Variants in CNTNAP5 observed in about 807,000 individuals in gnomAD.
The protein encoded by CNTNAP5 is contactin-associated protein-like 5.
A neutral mutation model predicts 150.2 loss-of-function variants in CNTNAP5; 72 were observed. The observed-to-expected ratio is 0.48, with a 90% CI of 0.40 to 0.58. The LOEUF (loss-of-function observed/expected upper bound fraction) is 0.58. CNTNAP5 is among the 20% of genes least tolerant of loss of function. The pLI, the probability that CNTNAP5 is intolerant of heterozygous loss-of-function variation, is 0.00. For synonymous variants in CNTNAP5, 672 were observed against 619.8 expected (o/e 1.08, Z -1.25); for missense variants, 1,636 against 1,626.2 (o/e 1.01, Z -0.10).
At chr2:124,060,558 C>T (rs1681982432) in intron 1 of CNTNAP5, among the ~76,000 whole-genome samples, 1 of 152,162 alleles carries the variant, frequency 6.6e-6, no homozygotes, top group South Asian at 2.1e-4. Context: ...CCGTATGGGC[C>T]TTTATGGACC....
rs1157174696 is a variant in CNTNAP5, at chr2:124,491,696, C to T, written c.1063-12596C>T. 2.6e-5 allele frequency among the ~76,000 whole-genome samples: 4 copies of T among 152,030 alleles called. No homozygotes were observed. The East Asian group carries it at 5.8e-4, about 22-fold the overall frequency. On this transcript the variant is annotated intron_variant, in intron 7 of 23. Coordinates refer to ENST00000682447, the MANE Select transcript of CNTNAP5 (RefSeq NM_001367498.1). ...TTTGCATAATGCCTGTACCAATTTACATTACTACCAATTGTGTACAAGCCT... is the reference window on the plus strand; with the variant it reads ...TTTGCATAATGCCTGTACCAATTTATATTACTACCAATTGTGTACAAGCCT...
intron 20 of CNTNAP5, among the ~76,000 whole-genome samples, chr2:124,865,706 G>A (rs1256014711): frequency 6.6e-6 from 1 of 152,186 alleles, no homozygotes; most frequent in Non-Finnish European, 1.5e-5. Flanking sequence ...AGCACTTTGG[G>A]AGTCTGAGGC....
chr2:124,493,383 T>C (rs6541957), intron 7 of CNTNAP5, among the ~76,000 whole-genome samples: 128,932 of 151,646 alleles, frequency 0.85, 54,982 homozygotes, highest in East Asian at 1. Flanking sequence ...CTTTGTCACT[T>C]AGACTGAGGT....
chr2:124,081,615 G>A (rs984476941), intron 1 of CNTNAP5, among the ~76,000 whole-genome samples: 1 of 152,160 alleles, frequency 6.6e-6, no homozygotes, highest in Non-Finnish European at 1.5e-5. Flanking sequence ...AATTTCTTAT[G>A]GCTCTTGAGC....
chr2:124,078,512 A>T (rs1682489308), intron 1 of CNTNAP5, among the ~76,000 whole-genome samples: 1 of 152,192 alleles, frequency 6.6e-6, no homozygotes, highest in South Asian at 2.1e-4. Flanking sequence ...ATTAGCTCTT[A>T]ATTTCAAATT....
At chr2:124,172,348 C>T (rs1183521804) in intron 1 of CNTNAP5, among the ~76,000 whole-genome samples, 1 of 152,044 alleles carries the variant, frequency 6.6e-6, no homozygotes. Flanking sequence ...AAATATGAAA[C>T]ACTTGTAATT....
intron 1 of CNTNAP5, among the ~76,000 whole-genome samples, chr2:124,074,561 A>G (rs1682391619): frequency 6.6e-6 from 1 of 152,146 alleles, no homozygotes. Flanking sequence ...AGGCTGTTGC[A>G]TATGGAGAAC....
chr2:124,374,330 T>C (rs1005283261), intron 3 of CNTNAP5, among the ~76,000 whole-genome samples: 1 of 152,076 alleles, frequency 6.6e-6, no homozygotes, highest in African/African-American at 2.4e-5. Context: ...TTTTGTCAAA[T>C]TGGAAAGGGT....
chr2:124,200,161 G>A (rs894242734), intron 1 of CNTNAP5, among the ~76,000 whole-genome samples: 1 of 152,182 alleles, frequency 6.6e-6, no homozygotes, highest in Admixed American at 6.5e-5. Flanking sequence ...AAGAACAGAT[G>A]TTAAGATATT....
intron 1 of CNTNAP5, among the ~76,000 whole-genome samples, chr2:124,153,825 C>A (rs1391703493): frequency 6.6e-6 from 1 of 151,770 alleles, no homozygotes; most frequent in Non-Finnish European, 1.5e-5. Flanking sequence ...GTTGGCCAGG[C>A]TAGTCTAGAA....
intron 1 of CNTNAP5, 101 bp from the exon 2 acceptor site, chr2:124,221,604 G>A: frequency 1.3e-6 from 1 of 774,526 alleles, no homozygotes. Context: ...AGAGCAGGTG[G>A]TTAATAAATG....
chr2:124,289,170 A>T (rs1688224276), intron 3 of CNTNAP5, among the ~76,000 whole-genome samples: 1 of 152,176 alleles, frequency 6.6e-6, no homozygotes, highest in South Asian at 2.1e-4. Flanking sequence ...CAGTCTTCAA[A>T]GGTGTCTGGT....
intron 3 of CNTNAP5, among the ~76,000 whole-genome samples, chr2:124,382,139 G>C (rs1354447678): frequency 6.6e-6 from 1 of 152,178 alleles, no homozygotes; most frequent in Non-Finnish European, 1.5e-5. Flanking sequence ...CTCAGGAAGG[G>C]AAGAATGGGC....
intron 13 of CNTNAP5, among the ~76,000 whole-genome samples, chr2:124,697,154 T>C (rs539353243): frequency 6.6e-6 from 1 of 152,194 alleles, no homozygotes; most frequent in African/African-American, 2.4e-5. Flanking sequence ...GAGACAATAC[T>C]ATGGAGTTCC....
chr2:124,142,306 G>T (rs1482287188), intron 1 of CNTNAP5, among the ~76,000 whole-genome samples: 5 of 136,518 alleles, frequency 3.7e-5, no homozygotes, highest in Non-Finnish European at 7.9e-5. Context: ...GACATCTACA[G>T]AACTCTCCAC....
chr2:124,299,360 G>C (rs765674744), intron 3 of CNTNAP5, among the ~76,000 whole-genome samples: 1 of 151,924 alleles, frequency 6.6e-6, no homozygotes, highest in Admixed American at 6.6e-5. Flanking sequence ...CCTCCAAAAG[G>C]CCTCAGTGCA....
intron 1 of CNTNAP5, among the ~76,000 whole-genome samples, chr2:124,087,952 TGG>T: frequency 6.6e-6 from 1 of 152,300 alleles, no homozygotes. Flanking sequence ...ATCCTATCTT[TGG>T]TTTCCTCAGC....
intron 3 of CNTNAP5, among the ~76,000 whole-genome samples, chr2:124,400,974 C>T (rs750989427): frequency 5.3e-5 from 8 of 151,978 alleles, no homozygotes; most frequent in East Asian, 3.9e-4. Context: ...CGGGTTCAAG[C>T]GATTCTCCTG....
At position 124,763,980 on chromosome 2, in the gene CNTNAP5, G is replaced by A; in HGVS notation, c.2366G>A (p.Arg789His). The A allele has an allele frequency of 6.2e-7, 1 of 1,609,546 alleles. No individual in the cohort carries two copies. The highest frequency in any genetic ancestry group is 8.5e-7 in the Non-Finnish European group (1 of 1,177,758). ...TGAAGGATTTTCTCATTTGCAGGACGCTTCTGGAACGCCGTCTCATTTTAT... is the reference window on the plus strand; with the variant it reads ...TGAAGGATTTTCTCATTTGCAGGACACTTCTGGAACGCCGTCTCATTTTAT... Reference protein sequence around the residue: ...IGPLRCYGDRRFWNAVSFYTE... With the variant: ...IGPLRCYGDRHFWNAVSFYTE... Residue 789 changes from arginine to histidine, a missense_variant, in exon 16 of 24, where the codon CGC (arginine) becomes CAC (histidine). Physicochemically the swap from Arg to His is conservative, Grantham distance 29 (BLOSUM62 0). Transcript: ENST00000682447.
Sources: allele counts gnomAD v4.1 joint callset (sites outside exome capture counted in the v4.1 genomes callset), GRCh38; gene constraint gnomAD v4.1.1; transcripts MANE v1.5; gene names NCBI Gene and HGNC (gene_info 2026-07-23, HGNC 2026-07-21).